ESR1: variants seen among roughly 807,000 people sequenced by gnomAD.
The protein encoded by ESR1 is estrogen receptor 1, also known as estrogen receptor.
Under a neutral mutation model 52.7 loss-of-function variants are expected in ESR1, and 12 were observed. The observed-to-expected ratio is 0.23, with a 90% CI of 0.15 to 0.37. The LOEUF is 0.37. ESR1 is among the 10% of genes least tolerant of loss of function. ESR1 has a pLI of 1.00. For missense variants in ESR1, 584 were observed against 779.7 expected (o/e 0.75, Z 2.99); for synonymous variants, 305 against 316.8 (o/e 0.96, Z 0.39).
chr6:151,893,694 T>G (rs1795035957), intron 3 of ESR1, among the ~76,000 whole-genome samples: 1 of 152,178 alleles, frequency 6.6e-6, no homozygotes, highest in African/African-American at 2.4e-5. Flanking sequence ...CTCCAAGTGT[T>G]TCACACTTAC....
chr6:151,752,818 C>T (rs1400195393), intron 2 of ESR1, among the ~76,000 whole-genome samples: 1 of 152,042 alleles, frequency 6.6e-6, no homozygotes, highest in Non-Finnish European at 1.5e-5. Context: ...ACTGCTTTTT[C>T]TCTTTTAGAG....
rs1222864522 is a variant in ESR1 at position 151,808,389 on chromosome 6, G to T, written c.452+25G>T. ...GGTACCCGCGCCCGCGCCGCCCGTCGGGGTGGCCGCCGCGCCCGGCAGGAG... is the reference window on the plus strand; with the variant it reads ...GGTACCCGCGCCCGCGCCGCCCGTCTGGGTGGCCGCCGCGCCCGGCAGGAG... On this transcript the variant is annotated intron_variant, in intron 1 of 7. Coordinates refer to ENST00000206249, the MANE Select transcript of ESR1 (RefSeq NM_000125.4). The T allele has an allele frequency of 3.5e-6, 5 of 1,447,168 alleles. No homozygotes were observed. In the East Asian group the frequency reaches 8.0e-5, roughly 23 times the overall value. The allele number at this position is 1,447,168 out of a possible 1,614,324, so 89.6% of individuals were successfully genotyped here.
At chr6:151,698,822 C>G (rs188830613) in intron 1 of ESR1, among the ~76,000 whole-genome samples, 1 of 152,142 alleles carries the variant, frequency 6.6e-6, no homozygotes, top group African/African-American at 2.4e-5. Context: ...TTTTGAGCAG[C>G]GAAGTACCAG....
chr6:151,830,246 C>T (rs1358812939), intron 1 of ESR1, among the ~76,000 whole-genome samples: 1 of 152,082 alleles, frequency 6.6e-6, no homozygotes, highest in Non-Finnish European at 1.5e-5. Flanking sequence ...AGGCTGGATG[C>T]TTTCTCTTCC....
chr6:151,955,327 T>C (rs542238808), intron 4 of ESR1, among the ~76,000 whole-genome samples: 11 of 152,320 alleles, frequency 7.2e-5, no homozygotes, highest in African/African-American at 2.2e-4. Context: ...TGTGCAACAA[T>C]GTGAATGTAC....
intron 1 of ESR1, among the ~76,000 whole-genome samples, chr6:151,701,346 T>C (rs1279151580): frequency 6.6e-6 from 1 of 151,098 alleles, no homozygotes; most frequent in Non-Finnish European, 1.5e-5. Flanking sequence ...GCCAACATGG[T>C]GAAACCCATC....
chr6:151,867,440 C>A (rs898805039), intron 2 of ESR1, among the ~76,000 whole-genome samples: 12 of 151,806 alleles, frequency 7.9e-5, no homozygotes, highest in Admixed American at 2.0e-4. Context: ...CACACACACA[C>A]ACAAACAACC....
At chr6:152,084,303 A>T (rs2049502330) in intron 6 of ESR1, among the ~76,000 whole-genome samples, 2 of 152,142 alleles carry the variant, frequency 1.3e-5, no homozygotes, top group South Asian at 4.2e-4. Flanking sequence ...GGATAGCATT[A>T]GGAGAAATAC....
intron 1 of ESR1, among the ~76,000 whole-genome samples, chr6:151,694,850 A>T (rs1779213851): frequency 6.6e-6 from 1 of 152,120 alleles, no homozygotes; most frequent in Admixed American, 6.6e-5. Flanking sequence ...ACTTAGTTCC[A>T]TGTAAAATCT....
chr6:151,882,420 C>T (rs1222725225), intron 3 of ESR1, among the ~76,000 whole-genome samples: 2 of 152,192 alleles, frequency 1.3e-5, no homozygotes, highest in African/African-American at 2.4e-5. Flanking sequence ...TTAACAGCTA[C>T]ATTCAGAAAA....
At chr6:152,021,414 T>C (rs554391476) in intron 5 of ESR1, among the ~76,000 whole-genome samples, 1 of 152,272 alleles carries the variant, frequency 6.6e-6, no homozygotes, top group South Asian at 2.1e-4. Context: ...CCTTTATATA[T>C]ATCCTATTAG....
intron 1 of ESR1, among the ~76,000 whole-genome samples, chr6:151,683,181 G>T (rs1411642021): frequency 6.6e-6 from 1 of 152,028 alleles, no homozygotes; most frequent in Non-Finnish European, 1.5e-5. Context: ...TTTACTTCTT[G>T]TTCCTATTTC....
intron 3 of ESR1, among the ~76,000 whole-genome samples, chr6:151,881,147 C>T (rs576665835): frequency 5.3e-5 from 8 of 152,310 alleles, no homozygotes; most frequent in African/African-American, 1.9e-4. Context: ...TGAGGATAAA[C>T]TTTCCCTAAA....
At chr6:151,812,328 A>G (rs1489466028) in intron 1 of ESR1, among the ~76,000 whole-genome samples, 2 of 152,154 alleles carry the variant, frequency 1.3e-5, no homozygotes, top group Non-Finnish European at 1.5e-5. Context: ...GAAATAACAG[A>G]TTTAAGTGGT....
intron 1 of ESR1, among the ~76,000 whole-genome samples, chr6:151,840,712 T>C (rs566287217): frequency 6.6e-6 from 1 of 152,330 alleles, no homozygotes; most frequent in African/African-American, 2.4e-5. Flanking sequence ...GAGCTTCCTT[T>C]GCCAAGAGAC....
chr6:151,953,625 C>T (rs552602005), intron 4 of ESR1, among the ~76,000 whole-genome samples: 13 of 151,474 alleles, frequency 8.6e-5, no homozygotes, highest in South Asian at 4.2e-4. Flanking sequence ...GGAGGCTGAG[C>T]GGGGAGAATC....
intron 3 of ESR1, among the ~76,000 whole-genome samples, chr6:151,926,738 T>TTTG (rs970657197): frequency 2.0e-5 from 3 of 152,054 alleles, no homozygotes; most frequent in African/African-American, 7.2e-5. Flanking sequence ...CAGGGGAGAT[T>TTTG]TTGTTGTTGT....
At chr6:152,023,910 A>C (rs920479505) in intron 5 of ESR1, among the ~76,000 whole-genome samples, 1 of 152,302 alleles carries the variant, frequency 6.6e-6, no homozygotes, top group African/African-American at 2.4e-5. Context: ...ACATTTTTGT[A>C]AATAAAATGT....
At chr6:152,026,535 T>C (rs1360310019) in intron 5 of ESR1, among the ~76,000 whole-genome samples, 1 of 151,988 alleles carries the variant, frequency 6.6e-6, no homozygotes, top group African/African-American at 2.4e-5. Flanking sequence ...AGAATACTTT[T>C]AATAGATGAG....
Sources: allele counts gnomAD v4.1 joint callset (sites outside exome capture counted in the v4.1 genomes callset), GRCh38; gene constraint gnomAD v4.1.1; transcripts MANE v1.5; gene names NCBI Gene and HGNC (gene_info 2026-07-23, HGNC 2026-07-21).